FAR2: variants seen among roughly 807,000 people sequenced by gnomAD.
FAR2 encodes fatty acyl-CoA reductase 2, also known as epididymis secretory protein Li 81.
A neutral mutation model predicts 56.0 loss-of-function variants in FAR2; 19 were observed. The ratio of observed to expected loss-of-function variants is 0.34; its 90% CI spans 0.24 to 0.50. The LOEUF (loss-of-function observed/expected upper bound fraction) is 0.50. Among genes scored for constraint, FAR2 ranks in the 20% least tolerant of loss-of-function variants. FAR2 has a pLI of 0.98. For synonymous variants in FAR2, 219 were observed against 218.8 expected (o/e 1.00, Z -0.01); for missense variants, 508 against 642.2 (o/e 0.79, Z 2.26).
intron 1 of FAR2, among the ~76,000 whole-genome samples, chr12:29,229,505 A>G (rs895414506): frequency 6.6e-6 from 1 of 152,126 alleles, no homozygotes; most frequent in Non-Finnish European, 1.5e-5. Flanking sequence ...TCTGTTTTTA[A>G]AAAAGAAACT....
chr12:29,154,179 G>A (rs1201216128), intron 1 of FAR2, among the ~76,000 whole-genome samples: 1 of 152,126 alleles, frequency 6.6e-6, no homozygotes, highest in Non-Finnish European at 1.5e-5. Flanking sequence ...AGAAAAATTA[G>A]GGAAGAAAGA....
chr12:29,316,151 G>GA lies in FAR2; in HGVS notation c.956-682dup, dbSNP rs1017889069. ...AATAATGAGCTTAGGCATATGCTTTGAAAAAAAACCTACATACATTAAATA... is the reference window on the plus strand; with the variant it reads ...AATAATGAGCTTAGGCATATGCTTTGAAAAAAAAACCTACATACATTAAATA... On this transcript the variant is annotated intron_variant, in intron 8 of 11. Transcript: ENST00000536681. Among the ~76,000 whole-genome samples the GA allele has an allele frequency of 2.0e-5, 3 of 150,690 alleles. 1 individual carries two copies. The highest frequency in any genetic ancestry group is 4.2e-4 in the South Asian group (2 of 4,768).
At chr12:29,244,197 C>A (rs1241561675) in intron 1 of FAR2, among the ~76,000 whole-genome samples, 7 of 152,054 alleles carry the variant, frequency 4.6e-5, no homozygotes, top group Non-Finnish European at 2.9e-5. Flanking sequence ...TATACAAAAT[C>A]AAAAATGACT....
chr12:29,236,160 T>C (rs1337114615), intron 1 of FAR2, among the ~76,000 whole-genome samples: 5 of 152,186 alleles, frequency 3.3e-5, no homozygotes, highest in Admixed American at 3.3e-4. Context: ...CTGTACCCTA[T>C]AAAAATGCAC....
chr12:29,176,637 A>ATGGCTT (rs1949941550), intron 1 of FAR2, among the ~76,000 whole-genome samples: 2 of 152,380 alleles, frequency 1.3e-5, no homozygotes, highest in African/African-American at 4.8e-5. Flanking sequence ...AAAAAGTCAA[A>ATGGCTT]ATTACTCAGT....
chr12:29,298,291 C>CT (rs1273264819), intron 4 of FAR2, among the ~76,000 whole-genome samples: 1 of 86,500 alleles, frequency 1.2e-5, no homozygotes, highest in Non-Finnish European at 2.1e-5. Flanking sequence ...CTAAGTTTAC[C>CT]TTGTTTTTTT....
chr12:29,217,703 C>T (rs1191483942), intron 1 of FAR2, among the ~76,000 whole-genome samples: 1 of 152,124 alleles, frequency 6.6e-6, no homozygotes, highest in Non-Finnish European at 1.5e-5. Flanking sequence ...CAGTATGCCT[C>T]TCTGGAGAAA....
chr12:29,199,611 A>AG (rs1346845143), intron 1 of FAR2, among the ~76,000 whole-genome samples: 9 of 85,098 alleles, frequency 1.1e-4, no homozygotes, highest in Non-Finnish European at 2.2e-4. Flanking sequence ...AAAAAAAAAA[A>AG]AAAAGAAAGA....
At chr12:29,308,705 C>T (rs1341550829) in intron 5 of FAR2, among the ~76,000 whole-genome samples, 3 of 132,598 alleles carry the variant, frequency 2.3e-5, no homozygotes, top group Middle Eastern at 7.5e-3. Flanking sequence ...CACACACACA[C>T]ACACACACAC....
At chr12:29,160,096 A>G (rs936317084) in intron 1 of FAR2, among the ~76,000 whole-genome samples, 1 of 152,220 alleles carries the variant, frequency 6.6e-6, no homozygotes, top group Non-Finnish European at 1.5e-5. Context: ...AGATTCTCAC[A>G]GAATTCATGA....
chr12:29,281,803 C>T (rs1948789067), intron 2 of FAR2, among the ~76,000 whole-genome samples: 1 of 150,792 alleles, frequency 6.6e-6, no homozygotes, highest in Non-Finnish European at 1.5e-5. Context: ...TGGCTGAGTG[C>T]CTACTAAGTG....
At chr12:29,245,860 A>G (rs982740023) in intron 1 of FAR2, among the ~76,000 whole-genome samples, 2 of 152,096 alleles carry the variant, frequency 1.3e-5, no homozygotes, top group Non-Finnish European at 1.5e-5. Flanking sequence ...CTTTCCCAAC[A>G]TCACTACCCC....
chr12:29,306,858 T>A (rs939206692), intron 4 of FAR2, among the ~76,000 whole-genome samples: 4 of 152,200 alleles, frequency 2.6e-5, no homozygotes, highest in Non-Finnish European at 5.9e-5. Flanking sequence ...ATCACCCCAC[T>A]TGACAGACTT....
chr12:29,314,432 C>CTTTTTTTTT (rs35073792), intron 8 of FAR2, among the ~76,000 whole-genome samples: 2 of 143,974 alleles, frequency 1.4e-5, no homozygotes, highest in Non-Finnish European at 3.0e-5. Flanking sequence ...CCCTGTAGAT[C>CTTTTTTTTT]TTTTTTTTTT....
intron 1 of FAR2, among the ~76,000 whole-genome samples, chr12:29,187,507 G>C (rs2136603713): frequency 6.6e-6 from 1 of 152,098 alleles, no homozygotes; most frequent in African/African-American, 2.4e-5. Context: ...AAAGTATATT[G>C]AGCCTGTACA....
intron 2 of FAR2, among the ~76,000 whole-genome samples, chr12:29,287,161 T>C (rs1225093824): frequency 1.3e-5 from 2 of 152,204 alleles, no homozygotes; most frequent in Non-Finnish European, 2.9e-5. Context: ...ATGCCCAAGC[T>C]TGGACTAATA....
chr12:29,204,759 C>T (rs1277696934), intron 1 of FAR2, among the ~76,000 whole-genome samples: 1 of 152,102 alleles, frequency 6.6e-6, no homozygotes, highest in Non-Finnish European at 1.5e-5. Flanking sequence ...CTTACATGGC[C>T]AGAGCAGGAG....
intron 1 of FAR2, among the ~76,000 whole-genome samples, chr12:29,192,948 G>A (rs918275664): frequency 6.6e-6 from 1 of 152,104 alleles, no homozygotes; most frequent in African/African-American, 2.4e-5. Flanking sequence ...CATCCACACC[G>A]TACATATTAA....
In FAR2 at chr12:29,307,735, A is replaced by C; in HGVS notation, c.623A>C (p.Lys208Thr). ...RDWPNIYTYT[K>T]ALGEMVVQQE... ...TGGCCCAATATTTATACCTACACCA[A>C]GGCCTTGGGAGAAATGGTGGTGCAG... Residue 208 changes from lysine to threonine, a missense_variant, in exon 5 of 12, where the codon AAG becomes ACG. Physicochemically the swap from Lys to Thr is moderately conservative, Grantham distance 78. Transcript: ENST00000536681. 1 of 1,613,924 alleles carries C rather than the reference A, an allele frequency of 6.2e-7. No homozygotes were observed. The highest frequency in any genetic ancestry group is 1.1e-5 in the South Asian group (1 of 91,074).
Sources: allele counts gnomAD v4.1 joint callset (sites outside exome capture counted in the v4.1 genomes callset), GRCh38; gene constraint gnomAD v4.1.1; transcripts MANE v1.5; gene names NCBI Gene and HGNC (gene_info 2026-07-23, HGNC 2026-07-21).